Variants in EYA1 observed in about 807,000 individuals in gnomAD.
EYA1 encodes protein phosphatase EYA1.
In EYA1, 16 loss-of-function variants were observed where a neutral mutation model predicts 82.0. That is an observed-to-expected ratio of 0.20 (90% CI 0.13 to 0.30). The LOEUF is 0.30. EYA1 is among the 10% of genes least tolerant of loss of function. The probability of loss-of-function intolerance (pLI) is 1.00; values close to 1 mark genes in which losing one functional copy is unlikely to be tolerated. For missense variants in EYA1, 633 were observed against 730.7 expected, an observed-to-expected ratio of 0.87 and a Z score of 1.54; for synonymous variants, 261 against 264.4, an observed-to-expected ratio of 0.99 and a Z score of 0.12.
At chr8:71,530,132 A>G (rs1814149016) in intron 2 of EYA1, among the ~76,000 whole-genome samples, 1 of 152,196 alleles carries the variant, frequency 6.6e-6, no homozygotes, top group Non-Finnish European at 1.5e-5. Flanking sequence ...GAGGTCATTA[A>G]GATAGGCCCT....
chr8:71,458,005 AT>A (rs1241162633), intron 2 of EYA1, among the ~76,000 whole-genome samples: 2 of 152,172 alleles, frequency 1.3e-5, no homozygotes, highest in African/African-American at 2.4e-5. Context: ...TTGAGTCAGC[AT>A]CTAAGTGTAC....
At chr8:71,402,947 T>C (rs929840518) in intron 2 of EYA1, among the ~76,000 whole-genome samples, 5 of 152,186 alleles carry the variant, frequency 3.3e-5, no homozygotes, top group Admixed American at 1.3e-4. Context: ...CAATTCCAGA[T>C]GAATTAACTT....
chr8:71,517,484 G>T (rs1218495201), intron 2 of EYA1, among the ~76,000 whole-genome samples: 2 of 150,140 alleles, frequency 1.3e-5, no homozygotes, highest in Non-Finnish European at 3.0e-5. Flanking sequence ...CAAACCAAAA[G>T]AAATGACAAA....
chr8:71,254,533 G>A (rs1464361086), intron 11 of EYA1, among the ~76,000 whole-genome samples: 2 of 151,948 alleles, frequency 1.3e-5, no homozygotes, highest in African/African-American at 4.8e-5. Context: ...CAAAACTACT[G>A]GAGAAAAACA....
chr8:71,456,335 G>A (rs1041653628), intron 2 of EYA1, among the ~76,000 whole-genome samples: 16 of 152,260 alleles, frequency 1.1e-4, no homozygotes, highest in African/African-American at 3.4e-4. Flanking sequence ...ATACTGCCAA[G>A]GTAATTTATA....
chr8:71,270,963 C>T (rs1468404100), intron 10 of EYA1, among the ~76,000 whole-genome samples: 3 of 151,930 alleles, frequency 2.0e-5, no homozygotes, highest in South Asian at 2.1e-4. Context: ...ACTAAAAATA[C>T]AAAAATTAGC....
intron 7 of EYA1, among the ~76,000 whole-genome samples, chr8:71,310,421 G>A (rs764102640): frequency 1.9e-4 from 29 of 152,130 alleles, no homozygotes; most frequent in Middle Eastern, 3.4e-3. Context: ...CCCACCCTTC[G>A]TTCTCTGACA....
At chr8:71,421,515 A>T (rs891380454) in intron 2 of EYA1, among the ~76,000 whole-genome samples, 2 of 152,212 alleles carry the variant, frequency 1.3e-5, no homozygotes, top group African/African-American at 2.4e-5. Flanking sequence ...TTTTTTAATG[A>T]TGGTGACATA....
chr8:71,344,133 T>G (rs1437462168), intron 3 of EYA1, among the ~76,000 whole-genome samples: 1 of 152,164 alleles, frequency 6.6e-6, no homozygotes, highest in Non-Finnish European at 1.5e-5. Context: ...TTTTGACTTT[T>G]TATAAAGTAA....
chr8:71,347,395 T>C (rs1468515954), intron 3 of EYA1, among the ~76,000 whole-genome samples: 1 of 152,204 alleles, frequency 6.6e-6, no homozygotes, highest in Non-Finnish European at 1.5e-5. Context: ...CGAATGTGGC[T>C]CACTGCAAGC....
intron 2 of EYA1, among the ~76,000 whole-genome samples, chr8:71,456,129 C>A (rs560954498): frequency 2.6e-5 from 4 of 152,150 alleles, no homozygotes; most frequent in African/African-American, 7.2e-5. Context: ...AAACAGAGAG[C>A]CAAATCATGA....
chr8:71,212,750 T>C (rs1808674630), intron 16 of EYA1, among the ~76,000 whole-genome samples: 1 of 152,236 alleles, frequency 6.6e-6, no homozygotes, highest in African/African-American at 2.4e-5. Flanking sequence ...GAGATACCAG[T>C]CATCTCCTCC....
chr8:71,365,175 TA>T (rs1827683833), upstream of EYA1, among the ~76,000 whole-genome samples: 1 of 151,632 alleles, frequency 6.6e-6, no homozygotes, highest in South Asian at 2.1e-4. Context: ...AAATTAAGTA[TA>T]ACAAATAAAC....
intron 2 of EYA1, among the ~76,000 whole-genome samples, chr8:71,454,943 G>A (rs1167387460): frequency 1.3e-5 from 2 of 151,006 alleles, no homozygotes; most frequent in Non-Finnish European, 3.0e-5. Context: ...ACGAGATAGA[G>A]ACACAAAAAA....
intron 17 of EYA1, among the ~76,000 whole-genome samples, chr8:71,209,362 G>T (rs1449284929): frequency 2.0e-5 from 3 of 152,228 alleles, no homozygotes; most frequent in Non-Finnish European, 4.4e-5. Flanking sequence ...TCGGTGAAGT[G>T]GGAAGATTAG....
In EYA1 at chr8:71,244,592, T is replaced by A. The variant is rs759981657; in HGVS notation, c.1140+11A>T. The A allele has an allele frequency of 1.3e-5, 19 of 1,433,660 alleles. No homozygotes were observed. The Admixed American group carries it at 3.3e-4, about 25-fold the overall frequency. The allele number at this position is 1,433,660 out of a possible 1,614,324, so 88.8% of individuals were successfully genotyped here. A position where few individuals can be genotyped will look rare whatever the true frequency, so the allele number is the denominator to read the frequency against. On this transcript the variant is annotated intron_variant, in intron 12 of 17. Coordinates refer to ENST00000340726, the MANE Select transcript of EYA1 (RefSeq NM_000503.6). ...GACATGCAAAAATATGTATTAAAAA[T>A]TAGAACTTACTTCTAAGTCATTAAA...
chr8:71,207,132 T>C (rs1390317885), intron 17 of EYA1, among the ~76,000 whole-genome samples: 1 of 152,344 alleles, frequency 6.6e-6, no homozygotes, highest in Middle Eastern at 3.4e-3. Flanking sequence ...GCTTGAGTTT[T>C]CATATGTAGT....
intron 2 of EYA1, among the ~76,000 whole-genome samples, chr8:71,478,818 A>G (rs1243850425): frequency 6.6e-6 from 1 of 152,150 alleles, no homozygotes; most frequent in Non-Finnish European, 1.5e-5. Context: ...CCCACAATAA[A>G]GCACTTTATC....
At chr8:71,451,339 G>A (rs901880591) in intron 2 of EYA1, among the ~76,000 whole-genome samples, 1 of 152,044 alleles carries the variant, frequency 6.6e-6, no homozygotes, top group African/African-American at 2.4e-5. Context: ...TTCTGTGAAT[G>A]GATTAAATAT....
Sources: allele counts gnomAD v4.1 joint callset (sites outside exome capture counted in the v4.1 genomes callset), GRCh38; gene constraint gnomAD v4.1.1; transcripts MANE v1.5; gene names NCBI Gene and HGNC (gene_info 2026-07-23, HGNC 2026-07-21).